Variants in VAV2 observed in about 807,000 individuals in gnomAD.
The protein encoded by VAV2 is guanine nucleotide exchange factor VAV2.
In VAV2, 67 loss-of-function variants were observed where a neutral mutation model predicts 132.5. The ratio of observed to expected loss-of-function variants is 0.51; its 90% CI spans 0.42 to 0.62. The LOEUF is 0.62. Ranked by LOEUF, VAV2 falls within the 20% of genes least tolerant of loss-of-function variation. The pLI, the probability that VAV2 is intolerant of heterozygous loss-of-function variation, is 0.00. For synonymous variants in VAV2, 492 were observed against 443.5 expected (o/e 1.11, Z -1.37); for missense variants, 938 against 1,153.6 (o/e 0.81, Z 2.71).
chr9:133,890,138 C>T (rs1454539940), intron 2 of VAV2, among the ~76,000 whole-genome samples: 8 of 152,208 alleles, frequency 5.3e-5, no homozygotes, highest in Admixed American at 3.3e-4. Context: ...ATGGGCAGCA[C>T]GGATCGTGCC....
At chr9:133,809,630 CCT>C (rs1468122384) in intron 6 of VAV2, among the ~76,000 whole-genome samples, 3 of 152,228 alleles carry the variant, frequency 2.0e-5, no homozygotes, top group African/African-American at 7.2e-5. Context: ...GGACTCTTCC[CCT>C]GAGTGTCCAC....
intron 2 of VAV2, among the ~76,000 whole-genome samples, chr9:133,892,991 T>A (rs1287060808): frequency 6.6e-6 from 1 of 152,142 alleles, no homozygotes; most frequent in East Asian, 1.9e-4. Flanking sequence ...AACACCATCT[T>A]CCTGGTCGTG....
intron 3 of VAV2, among the ~76,000 whole-genome samples, chr9:133,859,648 A>AC (rs1416336198): frequency 6.6e-6 from 1 of 152,170 alleles, no homozygotes; most frequent in African/African-American, 2.4e-5. Flanking sequence ...ACAAAACAAA[A>AC]AAAAAACAGG....
At chr9:133,767,211 C>T (rs771396025) in intron 29 of VAV2, among the ~76,000 whole-genome samples, 2 of 152,082 alleles carry the variant, frequency 1.3e-5, no homozygotes, top group African/African-American at 2.4e-5. Flanking sequence ...CTGGCTTCCC[C>T]AACTATTTAT....
At chr9:133,781,330 C>T (rs1834000386) in intron 19 of VAV2, among the ~76,000 whole-genome samples, 1 of 152,246 alleles carries the variant, frequency 6.6e-6, no homozygotes, top group Non-Finnish European at 1.5e-5. Flanking sequence ...TGCCACCTAC[C>T]ACCAGAGGAG....
intron 2 of VAV2, among the ~76,000 whole-genome samples, chr9:133,899,486 G>A (rs113167101): frequency 0.15 from 22,901 of 151,650 alleles, 1,886 homozygotes; most frequent in South Asian, 0.2. Flanking sequence ...TGAGCTCACC[G>A]CAATCTCTGC....
chr9:133,791,770 C>A lies in VAV2; in HGVS notation c.1188+13G>T. On this transcript the variant is annotated intron_variant, in intron 13 of 29. Transcript: ENST00000371850. ...ATCGACCTTCCCTAGCCTGAAGAGT[C>A]AGTCTCACTCACCAAATTTTCTATA... The A allele has an allele frequency of 1.2e-6, 2 of 1,612,354 alleles. No individual in the cohort carries two copies. The highest frequency in any genetic ancestry group is 1.7e-6 in the Non-Finnish European group (2 of 1,178,434).
At chr9:133,972,654 C>T (rs181416794) in intron 1 of VAV2, among the ~76,000 whole-genome samples, 2 of 152,322 alleles carry the variant, frequency 1.3e-5, no homozygotes, top group Non-Finnish European at 2.9e-5. Context: ...CAGGGCCTCC[C>T]GCAAGAGTCC....
intron 23 of VAV2, among the ~76,000 whole-genome samples, chr9:133,776,431 C>T (rs560031580): frequency 4.3e-4 from 66 of 152,320 alleles, no homozygotes; most frequent in Non-Finnish European, 9.0e-4. Context: ...GGTCTGGAAA[C>T]CCCGGGGTGG....
chr9:133,958,938 G>C (rs1841878870), intron 1 of VAV2, among the ~76,000 whole-genome samples: 1 of 152,218 alleles, frequency 6.6e-6, no homozygotes, highest in South Asian at 2.1e-4. Context: ...GGCCTGCGAG[G>C]TGCTCCCTGC....
At chr9:133,938,965 G>A (rs745758412) in intron 2 of VAV2, 138 bp downstream of exon 2, 28 of 800,882 alleles carry the variant, frequency 3.5e-5, no homozygotes, top group South Asian at 6.1e-5. Context: ...TGCACCTCCC[G>A]GACATGAGGG....
chr9:133,921,297 G>A (rs552312849), intron 2 of VAV2, among the ~76,000 whole-genome samples: 1 of 152,304 alleles, frequency 6.6e-6, no homozygotes, highest in East Asian at 1.9e-4. Flanking sequence ...TTTGCTGAAT[G>A]AATGAATGAA....
chr9:133,950,532 A>G (rs1344190755), intron 1 of VAV2, among the ~76,000 whole-genome samples: 1 of 152,186 alleles, frequency 6.6e-6, no homozygotes, highest in Non-Finnish European at 1.5e-5. Context: ...AGAGTGGCCC[A>G]CACAATCGGG....
chr9:133,784,285 A>T, intron 18 of VAV2, 32 bp downstream of exon 18: 2 of 1,602,754 alleles, frequency 1.2e-6, no homozygotes, highest in Non-Finnish European at 1.7e-6. Flanking sequence ...GCGTGGAGCG[A>T]GGTGAGGGCT....
chr9:133,973,362 A>G (rs1309958535), intron 1 of VAV2, among the ~76,000 whole-genome samples: 4 of 152,116 alleles, frequency 2.6e-5, no homozygotes, highest in Non-Finnish European at 4.4e-5. Context: ...ACCAGGAAAG[A>G]ACAGGCTTCT....
chr9:133,883,593 C>T lies in VAV2; in HGVS notation c.322-22161G>A, dbSNP rs1838586148. On this transcript the variant is annotated intron_variant, in intron 2 of 29. Transcript: ENST00000371850. This position sits in a 1 kb window ranked among gnomAD's most constrained non-coding sequence, Gnocchi z 4.2. ...ACTCCCAAGTCATCCCCAGCCACGG[C>T]AGGCAGGCGGCCCAGCAGCAGGCAG... Among the ~76,000 whole-genome samples, 1 of 152,228 alleles carries T rather than the reference C, an allele frequency of 6.6e-6. No individual in the cohort carries two copies. The highest frequency in any genetic ancestry group is 2.4e-5 in the African/African-American group (1 of 41,458).
intron 4 of VAV2, among the ~76,000 whole-genome samples, chr9:133,821,295 C>T (rs1026829499): frequency 3.9e-5 from 6 of 152,218 alleles, no homozygotes; most frequent in Admixed American, 2.6e-4. Context: ...TCGGAACAGG[C>T]GGGCCGCAGT....
At chr9:133,770,248 G>C in intron 27 of VAV2, 130 bp downstream of exon 27, 1 of 1,415,992 alleles carries the variant, frequency 7.1e-7, no homozygotes, top group Non-Finnish European at 9.5e-7. Context: ...CTGGGGGAGG[G>C]GCGGGGGCTG....
Position 133,918,962 on chromosome 9 carries a change from A to G in VAV2, c.321+20141T>C, listed in dbSNP as rs1840201641. 6.6e-6 allele frequency among the ~76,000 whole-genome samples: 1 copy of G among 151,986 alleles called. No individual in the cohort carries two copies. The highest frequency in any genetic ancestry group is 2.1e-4 in the South Asian group (1 of 4,816). ...GGCTAATTTTGTATTTTTAGTAGAGACGGGGTTTCACCATGTTGTCCAGGC... is the reference window on the plus strand; with the variant it reads ...GGCTAATTTTGTATTTTTAGTAGAGGCGGGGTTTCACCATGTTGTCCAGGC... On this transcript the variant is annotated intron_variant, in intron 2 of 29. Transcript: ENST00000371850. The surrounding 1 kb of genome is among the most constrained non-coding windows in gnomAD (Gnocchi z 4.7).
Sources: allele counts gnomAD v4.1 joint callset (sites outside exome capture counted in the v4.1 genomes callset), GRCh38; gene constraint gnomAD v4.1.1; non-coding constraint Gnocchi (gnomAD v3.1); transcripts MANE v1.5; gene names NCBI Gene and HGNC (gene_info 2026-07-23, HGNC 2026-07-21).